Variants in DCC observed in about 807,000 individuals in gnomAD.
DCC encodes the protein DCC netrin 1 receptor, also known as netrin receptor DCC.
In DCC, 58 loss-of-function variants were observed where a neutral mutation model predicts 172.5. That is an observed-to-expected ratio of 0.34 (90% CI 0.27 to 0.42). DCC has a LOEUF of 0.42. Among genes scored for constraint, DCC ranks in the 10% least tolerant of loss-of-function variants. The pLI, the probability that DCC is intolerant of heterozygous loss-of-function variation, is 1.00. For missense variants in DCC, 1,740 were observed against 1,791.0 expected (o/e 0.97, Z 0.51); for synonymous variants, 709 against 644.5 (o/e 1.10, Z -1.52).
chr18:52,472,033 G>A (rs1206955107), intron 1 of DCC, among the ~76,000 whole-genome samples: 1 of 152,066 alleles, frequency 6.6e-6, no homozygotes, highest in East Asian at 1.9e-4. Flanking sequence ...CACCGAGTGG[G>A]GTTACATAAA....
chr18:53,093,142 C>T (rs1040049717), intron 7 of DCC, among the ~76,000 whole-genome samples: 10 of 152,000 alleles, frequency 6.6e-5, no homozygotes, highest in South Asian at 4.2e-4. Context: ...ATTAGCTGGG[C>T]GTGGGGGTGC....
intron 2 of DCC, among the ~76,000 whole-genome samples, chr18:52,884,701 C>T (rs538364247): frequency 6.6e-6 from 1 of 152,148 alleles, no homozygotes; most frequent in East Asian, 1.9e-4. Context: ...ATCCCTGGTG[C>T]CTTATTTAGT....
intron 2 of DCC, chr18:52,759,142 A>C (rs916513894): frequency 1.3e-5 from 2 of 152,174 alleles, no homozygotes; most frequent in Admixed American, 6.5e-5. Flanking sequence ...TTATTGCTAA[A>C]TCAAATTGAG....
chr18:52,357,869 C>T (rs922195757), intron 1 of DCC, among the ~76,000 whole-genome samples: 15 of 148,864 alleles, frequency 1.0e-4, no homozygotes, highest in Admixed American at 2.7e-4. Flanking sequence ...ACCCACGAGG[C>T]GGAGCTTGCA....
chr18:53,440,625 C>T (rs11083000), intron 22 of DCC, among the ~76,000 whole-genome samples: 126,682 of 152,048 alleles, frequency 0.83, 53,117 homozygotes, highest in Non-Finnish European at 0.88. Flanking sequence ...CCCAATGCTA[C>T]ACTCAGCAGA....
intron 1 of DCC, among the ~76,000 whole-genome samples, chr18:52,433,627 G>C (rs930130499): frequency 1.3e-5 from 2 of 152,156 alleles, no homozygotes; most frequent in Non-Finnish European, 2.9e-5. Flanking sequence ...GTATGTATTT[G>C]TTGTAGTTGA....
intron 16 of DCC, among the ~76,000 whole-genome samples, chr18:53,390,781 T>C (rs867846384): frequency 6.6e-6 from 1 of 152,176 alleles, no homozygotes; most frequent in South Asian, 2.1e-4. Flanking sequence ...TCAAAGCATG[T>C]ATATACCTCA....
intron 1 of DCC, among the ~76,000 whole-genome samples, chr18:52,741,816 G>A (rs557560102): frequency 2.6e-5 from 4 of 152,236 alleles, no homozygotes; most frequent in Middle Eastern, 3.4e-3. Flanking sequence ...TCTGCCTGCG[G>A]TGTTCTTCCC....
At chr18:53,372,594 C>A (rs1295553269) in intron 15 of DCC, among the ~76,000 whole-genome samples, 1 of 151,828 alleles carries the variant, frequency 6.6e-6, no homozygotes, top group Non-Finnish European at 1.5e-5. Context: ...CACACGTACC[C>A]ATGAACCTAA....
Position 52,924,556 on chromosome 18 carries a change from G to T in DCC, c.849-678G>T, listed in dbSNP as rs183230847. Among the ~76,000 whole-genome samples, 7 of 152,108 alleles carry T rather than the reference G, an allele frequency of 4.6e-5. No homozygotes were observed. In the East Asian group the frequency reaches 1.4e-3, roughly 29 times the overall value. On this transcript the variant is annotated intron_variant, in intron 4 of 28. Coordinates refer to ENST00000442544, the MANE Select transcript of DCC (RefSeq NM_005215.4). ...TAGAAAATAAACTCTCAATAGAATG[G>T]AATACTTAGTCTTTCTGATGAAATG...
chr18:52,603,480 A>T (rs1292815786), intron 1 of DCC, among the ~76,000 whole-genome samples: 1 of 152,026 alleles, frequency 6.6e-6, no homozygotes, highest in African/African-American at 2.4e-5. Flanking sequence ...GGTAGAAAGT[A>T]AATTTCATAA....
chr18:52,759,943 A>T (rs896119528), intron 2 of DCC, among the ~76,000 whole-genome samples: 19 of 152,220 alleles, frequency 1.2e-4, no homozygotes, highest in Non-Finnish European at 2.4e-4. Flanking sequence ...GTGGAAAAAC[A>T]TGATTGGACA....
At chr18:52,448,933 T>C (rs1448197260) in intron 1 of DCC, among the ~76,000 whole-genome samples, 1 of 152,248 alleles carries the variant, frequency 6.6e-6, no homozygotes, top group Non-Finnish European at 1.5e-5. Context: ...ATAGTCTTAA[T>C]CTTAGAGCTT....
At chr18:52,578,565 T>C (rs563847584) in intron 1 of DCC, among the ~76,000 whole-genome samples, 49 of 152,248 alleles carry the variant, frequency 3.2e-4, no homozygotes, top group Non-Finnish European at 6.2e-4. Flanking sequence ...TTACTTTCTG[T>C]TTTGTTTTCT....
chr18:53,481,888 A>G (rs2045835868), intron 25 of DCC, among the ~76,000 whole-genome samples: 1 of 152,204 alleles, frequency 6.6e-6, no homozygotes, highest in South Asian at 2.1e-4. Flanking sequence ...TTGTGCATCA[A>G]TGTCAGAGAT....
chr18:52,984,549 G>C (rs919579154), intron 5 of DCC, among the ~76,000 whole-genome samples: 13 of 152,152 alleles, frequency 8.5e-5, no homozygotes, highest in Admixed American at 2.0e-4. Flanking sequence ...AATATGTTTT[G>C]TAGAAATCCA....
At chr18:53,060,942 GA>G (rs892223715) in intron 5 of DCC, among the ~76,000 whole-genome samples, 3 of 151,752 alleles carry the variant, frequency 2.0e-5, no homozygotes, top group South Asian at 2.1e-4. Flanking sequence ...TAACAAAATT[GA>G]AAAAAAGCAA....
chr18:52,457,880 A>G (rs1988506271), intron 1 of DCC, among the ~76,000 whole-genome samples: 1 of 150,954 alleles, frequency 6.6e-6, no homozygotes, highest in Non-Finnish European at 1.5e-5. Context: ...CCCACCCCTG[A>G]CAGTTTCAAC....
chr18:52,359,544 C>A (rs2144265863), intron 1 of DCC, among the ~76,000 whole-genome samples: 1 of 152,232 alleles, frequency 6.6e-6, no homozygotes, highest in African/African-American at 2.4e-5. Flanking sequence ...CCACCCCCTT[C>A]CTCCTTGTTG....
Sources: allele counts gnomAD v4.1 joint callset (sites outside exome capture counted in the v4.1 genomes callset), GRCh38; gene constraint gnomAD v4.1.1; transcripts MANE v1.5; gene names NCBI Gene and HGNC (gene_info 2026-07-23, HGNC 2026-07-21).